Variants in NRCAM observed in about 807,000 individuals in gnomAD.
NRCAM encodes neuronal cell adhesion molecule.
A neutral mutation model predicts 156.5 loss-of-function variants in NRCAM; 83 were observed. That is an observed-to-expected ratio of 0.53 (90% CI 0.44 to 0.64). The LOEUF is 0.64. NRCAM is among the 30% of genes least tolerant of loss of function. The pLI, the probability that NRCAM is intolerant of heterozygous loss-of-function variation, is 0.00. For missense variants in NRCAM, 1,417 were observed against 1,597.3 expected, an observed-to-expected ratio of 0.89 and a Z score of 1.92; for synonymous variants, 538 against 563.9, an observed-to-expected ratio of 0.95 and a Z score of 0.65.
rs573906997 is a variant in NRCAM at position 108,227,468 on chromosome 7, G to A, written c.551-1090C>T. 3.3e-5 allele frequency among the ~76,000 whole-genome samples: 5 copies of A among 152,224 alleles called. No individual in the cohort carries two copies. In the South Asian group the frequency reaches 8.3e-4, roughly 25 times the overall value. On this transcript the variant is annotated intron_variant, in intron 8 of 32. Transcript: ENST00000379028. ...GTTACGATTTCTTTGTTGTGAAAAC[G>A]TTCAAAATCCTCTCTTCTAGCTATT...
At chr7:108,319,451 G>A (rs968222942) in intron 2 of NRCAM, among the ~76,000 whole-genome samples, 1 of 152,076 alleles carries the variant, frequency 6.6e-6, no homozygotes, top group Non-Finnish European at 1.5e-5. Flanking sequence ...TTTATTAACC[G>A]CCTATGATTT....
chr7:108,202,285 A>C (rs2078601838), intron 13 of NRCAM, among the ~76,000 whole-genome samples: 1 of 152,210 alleles, frequency 6.6e-6, no homozygotes, highest in Non-Finnish European at 1.5e-5. Context: ...CTTTCAACAT[A>C]TAGATAATGA....
intron 11 of NRCAM, among the ~76,000 whole-genome samples, chr7:108,213,245 G>C (rs758975381): frequency 6.6e-6 from 1 of 152,128 alleles, no homozygotes; most frequent in African/African-American, 2.4e-5. Context: ...GCTAAAAGGA[G>C]TTCTAAATCT....
At position 108,191,836 on chromosome 7, in the gene NRCAM, T is replaced by G. The variant is rs1298235282; in HGVS notation, c.1796A>C (p.Asp599Ala). 6.2e-7 allele frequency: 1 copy of G among 1,613,552 alleles called. No homozygotes were observed. The highest frequency in any genetic ancestry group is 2.2e-5 in the East Asian group (1 of 44,872). The change falls in exon 18 of 33, where the codon GAT (aspartate) becomes GCT (alanine). Residue 599 changes from aspartate to alanine, a missense_variant. Asp to Ala is a moderately radical substitution (Grantham distance 126). Coordinates refer to ENST00000379028, the MANE Select transcript of NRCAM (RefSeq NM_001037132.4). The stretch of plus-strand genomic sequence containing the variant: ...ACTGACATCAGCTACCACTAGATGA[T>G]CCTTGTCAACAGTGAACCTGTGGAT... ...PSDERFTVDK[D>A]HLVVADVSDD...
chr7:108,283,234 T>C (rs1269686), intron 3 of NRCAM, among the ~76,000 whole-genome samples: 87,255 of 152,118 alleles, frequency 0.57, 26,165 homozygotes, highest in East Asian at 0.87. Flanking sequence ...GAAAGACTAT[T>C]ACATAACTGT....
rs1053834416 is a variant in NRCAM at position 108,354,232 on chromosome 7, A to G, written c.-173-41501T>C. ...TAACATTACAAAATATACTAAAGCA[A>G]TTCACCATACAAAAGAATTAAAGGG... On this transcript the variant is annotated intron_variant, in intron 2 of 32. Coordinates refer to ENST00000379028, the MANE Select transcript of NRCAM (RefSeq NM_001037132.4). Among the ~76,000 whole-genome samples, 5 of 152,346 alleles carry G rather than the reference A, an allele frequency of 3.3e-5. No individual in the cohort carries two copies. In the East Asian group the frequency reaches 9.7e-4, roughly 29 times the overall value.
At chr7:108,159,308 G>T (rs779495851) in intron 32 of NRCAM, 155 bp downstream of exon 32, 1 of 767,378 alleles carries the variant, frequency 1.3e-6, no homozygotes, top group Non-Finnish European at 2.4e-6. Context: ...GTTTGACCAT[G>T]AGGGACATGT....
intron 3 of NRCAM, among the ~76,000 whole-genome samples, chr7:108,260,378 GGTT>G (rs1249807901): frequency 1.3e-5 from 2 of 152,150 alleles, no homozygotes; most frequent in Non-Finnish European, 2.9e-5. Context: ...AAAATGAATG[GGTT>G]GTTATTTTAT....
chr7:108,371,244 G>C (rs953086359), intron 2 of NRCAM, among the ~76,000 whole-genome samples: 6 of 152,148 alleles, frequency 3.9e-5, no homozygotes, highest in Non-Finnish European at 2.9e-5. Context: ...TAGTGTAACA[G>C]AGTAAGAGGG....
rs183544322 is a variant in NRCAM at position 108,388,008 on chromosome 7, G to A, written c.-174+11428C>T. On this transcript the variant is annotated intron_variant, in intron 2 of 32. Transcript: ENST00000379028. Reference sequence around the variant, plus strand: ...AGTCTTTGCTATTGTGAATAGTGCTGCAATAAACATATGTGTGCATGTGTC... The same window carrying A: ...AGTCTTTGCTATTGTGAATAGTGCTACAATAAACATATGTGTGCATGTGTC... 5.4e-4 allele frequency among the ~76,000 whole-genome samples: 82 copies of A among 152,200 alleles called. 2 individuals carry two copies. The East Asian group carries it at 0.015, about 28-fold the overall frequency.
chr7:108,195,378 C>T (rs187853800), intron 15 of NRCAM, among the ~76,000 whole-genome samples: 2 of 152,110 alleles, frequency 1.3e-5, no homozygotes, highest in Non-Finnish European at 2.9e-5. Context: ...AATCCCAGCA[C>T]TTTGGGAGGC....
At chr7:108,215,529 T>C (rs545290153) in intron 11 of NRCAM, among the ~76,000 whole-genome samples, 132 of 152,220 alleles carry the variant, frequency 8.7e-4, no homozygotes, top group Non-Finnish European at 1.2e-3. Context: ...CCCACTATTT[T>C]TGTGTGGGAG....
At chr7:108,349,469 T>C (rs1245620532) in intron 2 of NRCAM, among the ~76,000 whole-genome samples, 1 of 151,806 alleles carries the variant, frequency 6.6e-6, no homozygotes, top group Non-Finnish European at 1.5e-5. Context: ...GGGGTTTCAC[T>C]GTGTTAGCCA....
chr7:108,382,323 C>A (rs1022134807), intron 2 of NRCAM, among the ~76,000 whole-genome samples: 2 of 151,772 alleles, frequency 1.3e-5, no homozygotes, highest in African/African-American at 4.8e-5. Flanking sequence ...AGGCTGGGCG[C>A]GGTGGTTCAT....
intron 1 of NRCAM, among the ~76,000 whole-genome samples, chr7:108,417,532 C>A (rs75259462): frequency 6.6e-6 from 1 of 152,064 alleles, no homozygotes; most frequent in Non-Finnish European, 1.5e-5. Flanking sequence ...AATTTCAACG[C>A]GAATTTTGGA....
At chr7:108,234,940 T>C in intron 5 of NRCAM, 2 of 613,668 alleles carry the variant, frequency 3.3e-6, no homozygotes, top group Non-Finnish European at 6.0e-6. Context: ...ACTAAAAGTT[T>C]GGGGAAATAA....
intron 3 of NRCAM, among the ~76,000 whole-genome samples, chr7:108,252,312 T>A (rs2096397175): frequency 6.6e-6 from 1 of 152,186 alleles, no homozygotes; most frequent in South Asian, 2.1e-4. Context: ...CTGAGCAGCT[T>A]CTTAAAAATG....
At chr7:108,199,642 T>C (rs1249567969) in intron 13 of NRCAM, among the ~76,000 whole-genome samples, 3 of 152,186 alleles carry the variant, frequency 2.0e-5, no homozygotes, top group East Asian at 3.8e-4. Context: ...CATTCTTCCA[T>C]AGTCACCTTT....
chr7:108,216,088 T>A (rs1021001215), intron 11 of NRCAM, among the ~76,000 whole-genome samples: 5 of 152,234 alleles, frequency 3.3e-5, no homozygotes, highest in Admixed American at 3.3e-4. Flanking sequence ...CTTCAGGAGA[T>A]CTTGTAAGGC....
Sources: gnomAD v4.1 joint callset for allele counts (sites outside exome capture counted in the v4.1 genomes callset) on GRCh38, gnomAD v4.1.1 for gene constraint, MANE v1.5 for transcripts, NCBI Gene and HGNC (gene_info 2026-07-23, HGNC 2026-07-21) for gene names.